Variants in EYA1 observed in about 807,000 individuals in gnomAD.
EYA1 encodes the protein protein phosphatase EYA1.
A neutral mutation model predicts 82.0 loss-of-function variants in EYA1; 16 were observed. The observed-to-expected ratio is 0.20, with a 90% CI of 0.13 to 0.30. The LOEUF (loss-of-function observed/expected upper bound fraction) is 0.30, where lower values mean the gene tolerates loss of function less well. Among genes scored for constraint, EYA1 ranks in the 10% least tolerant of loss-of-function variants. The probability of loss-of-function intolerance (pLI) is 1.00; values close to 1 mark genes in which losing one functional copy is unlikely to be tolerated. For synonymous variants in EYA1, 261 were observed against 264.4 expected (o/e 0.99, Z 0.12); for missense variants, 633 against 730.7 (o/e 0.87, Z 1.54).
chr8:71,467,909 T>A (rs1318454701), intron 2 of EYA1, among the ~76,000 whole-genome samples: 1 of 152,134 alleles, frequency 6.6e-6, no homozygotes, highest in Non-Finnish European at 1.5e-5. Context: ...GGTTAGATGA[T>A]TTACTAAGTC....
chr8:71,278,031 CAT>C (rs1261423618), intron 9 of EYA1, among the ~76,000 whole-genome samples: 1 of 152,076 alleles, frequency 6.6e-6, no homozygotes, highest in Non-Finnish European at 1.5e-5. Flanking sequence ...CGCAAGAGTC[CAT>C]TTAGTTCCCC....
At chr8:71,200,613 T>C (rs922550786) in intron 17 of EYA1, among the ~76,000 whole-genome samples, 17 of 152,282 alleles carry the variant, frequency 1.1e-4, no homozygotes, top group African/African-American at 3.8e-4. Flanking sequence ...AATATTTCTT[T>C]GTAGATTTCT....
At chr8:71,284,332 G>T (rs1252460942) in intron 9 of EYA1, among the ~76,000 whole-genome samples, 1 of 152,182 alleles carries the variant, frequency 6.6e-6, no homozygotes, top group Admixed American at 6.5e-5. Context: ...TGCACATTCT[G>T]GTACATCTGC....
chr8:71,425,727 C>A (rs1434590104), intron 2 of EYA1, among the ~76,000 whole-genome samples: 1 of 152,090 alleles, frequency 6.6e-6, no homozygotes, highest in African/African-American at 2.4e-5. Flanking sequence ...TATTTGTTTG[C>A]TTTGGCATCA....
intron 2 of EYA1, among the ~76,000 whole-genome samples, chr8:71,466,234 T>A (rs1298372992): frequency 6.6e-6 from 1 of 152,172 alleles, no homozygotes; most frequent in Non-Finnish European, 1.5e-5. Context: ...AACATGGTAT[T>A]TATGTCAGAG....
chr8:71,336,578 T>C (rs2129049339), intron 3 of EYA1, among the ~76,000 whole-genome samples: 1 of 152,354 alleles, frequency 6.6e-6, no homozygotes, highest in South Asian at 2.1e-4. Context: ...TATGATTAGC[T>C]TAATCGAATG....
At chr8:71,395,781 G>T (rs1053977445) in intron 2 of EYA1, among the ~76,000 whole-genome samples, 3 of 151,982 alleles carry the variant, frequency 2.0e-5, no homozygotes, top group Non-Finnish European at 4.4e-5. Flanking sequence ...GCCAGGGTTT[G>T]GTATCAGGAT....
chr8:71,368,333 C>A (rs1827876918), intron 2 of EYA1, among the ~76,000 whole-genome samples: 1 of 152,042 alleles, frequency 6.6e-6, no homozygotes, highest in South Asian at 2.1e-4. Context: ...TTGACAACCC[C>A]TGCTGAAAGA....
intron 2 of EYA1, among the ~76,000 whole-genome samples, chr8:71,461,023 A>G (rs1808318865): frequency 6.6e-6 from 1 of 152,246 alleles, no homozygotes; most frequent in Non-Finnish European, 1.5e-5. Flanking sequence ...TGCAAATAAA[A>G]CAATTGGTTA....
chr8:71,218,343 C>T (rs904107340), intron 12 of EYA1, among the ~76,000 whole-genome samples: 2 of 152,138 alleles, frequency 1.3e-5, no homozygotes, highest in East Asian at 1.9e-4. Flanking sequence ...CCGGTCCCTT[C>T]TGAACAAACT....
intron 3 of EYA1, among the ~76,000 whole-genome samples, chr8:71,352,687 T>C (rs929849170): frequency 6.6e-6 from 1 of 152,222 alleles, no homozygotes; most frequent in East Asian, 1.9e-4. Context: ...GGAGATCACA[T>C]AATTACCTAA....
chr8:71,522,710 C>T (rs1224854500), intron 2 of EYA1, among the ~76,000 whole-genome samples: 1 of 151,740 alleles, frequency 6.6e-6, no homozygotes, highest in African/African-American at 2.4e-5. Context: ...CCTTGACCTC[C>T]AGGGCTCAAG....
chr8:71,478,273 A>C (rs1047591887), intron 2 of EYA1, among the ~76,000 whole-genome samples: 2 of 152,154 alleles, frequency 1.3e-5, no homozygotes, highest in African/African-American at 2.4e-5. Flanking sequence ...AGGAGAAAAA[A>C]TAGGTAGAAA....
intron 11 of EYA1, among the ~76,000 whole-genome samples, chr8:71,246,834 C>A (rs1353298155): frequency 6.6e-6 from 1 of 152,120 alleles, no homozygotes; most frequent in Non-Finnish European, 1.5e-5. Context: ...CTGCCAGGGG[C>A]CCATCTGCTG....
Position 71,431,131 on chromosome 8 carries a change from A to G in EYA1, c.34-74620T>C, listed in dbSNP as rs185135656. On this transcript the variant is annotated intron_variant, in intron 2 of 18. Coordinates refer to the EYA1 transcript ENST00000643681. Reference sequence around the variant, plus strand: ...CTACTACACAAGAAATCTATTACCTATTTTTTGAGTATAATCATGTTCTCA... The same window carrying G: ...CTACTACACAAGAAATCTATTACCTGTTTTTTGAGTATAATCATGTTCTCA... Among the ~76,000 whole-genome samples, 60 of 152,280 alleles carry G rather than the reference A, an allele frequency of 3.9e-4. No individual in the cohort carries two copies. In the East Asian group the frequency reaches 0.011, roughly 27 times the overall value.
chr8:71,466,108 G>T (rs1808751761), intron 2 of EYA1, among the ~76,000 whole-genome samples: 1 of 152,126 alleles, frequency 6.6e-6, no homozygotes, highest in Non-Finnish European at 1.5e-5. Context: ...GAATAGAGCT[G>T]CAATACTTCT....
chr8:71,391,912 C>T (rs140060890), intron 2 of EYA1, among the ~76,000 whole-genome samples: 124 of 152,326 alleles, frequency 8.1e-4, no homozygotes, highest in Non-Finnish European at 1.4e-3. Flanking sequence ...CCAACTTTCT[C>T]CTTTCTAGAA....
chr8:71,390,618 A>G lies in EYA1; in HGVS notation c.34-34107T>C, dbSNP rs964901420. On this transcript the variant is annotated intron_variant, in intron 2 of 18. Transcript: ENST00000643681. ...GTTCCATAAAAATGAATAGGAAAACATTGCCATCTTTTTGTTTGAGCTGAA... is the reference window on the plus strand; with the variant it reads ...GTTCCATAAAAATGAATAGGAAAACGTTGCCATCTTTTTGTTTGAGCTGAA... Among the ~76,000 whole-genome samples the G allele has an allele frequency of 3.9e-5, 6 of 152,304 alleles. 1 individual carries two copies. The highest frequency in any genetic ancestry group is 3.3e-4 in the Admixed American group (5 of 15,294).
At chr8:71,315,589 T>A (rs1411617737) in intron 7 of EYA1, among the ~76,000 whole-genome samples, 1 of 152,210 alleles carries the variant, frequency 6.6e-6, no homozygotes, top group African/African-American at 2.4e-5. Context: ...CTACTGTCTC[T>A]CTCTTTGGCA....
Sources: allele counts gnomAD v4.1 joint callset (sites outside exome capture counted in the v4.1 genomes callset), GRCh38; gene constraint gnomAD v4.1.1; transcripts MANE v1.5; gene names NCBI Gene and HGNC (gene_info 2026-07-23, HGNC 2026-07-21).